Variants in KANSL1 observed in about 807,000 individuals in gnomAD.
KANSL1 encodes MLL1/MLL complex subunit KANSL1.
KANSL1 carries 22 observed loss-of-function variants against 103.6 expected under a neutral mutation model. That is an observed-to-expected ratio of 0.21 (90% CI 0.15 to 0.30). The LOEUF (loss-of-function observed/expected upper bound fraction) is 0.30, where lower values mean the gene tolerates loss of function less well. Ranked by LOEUF, KANSL1 falls within the 10% of genes least tolerant of loss-of-function variation. KANSL1 has a pLI of 1.00. For synonymous variants in KANSL1, 600 were observed against 527.6 expected (o/e 1.14, Z -1.88); for missense variants, 1,337 against 1,399.8 (o/e 0.96, Z 0.72).
chr17:46,141,661 T>C (rs905856428), intron 2 of KANSL1, among the ~76,000 whole-genome samples: 2 of 152,100 alleles, frequency 1.3e-5, no homozygotes, highest in African/African-American at 4.8e-5. Context: ...TCACAAAAAA[T>C]ACCCTAAATG....
intron 2 of KANSL1, among the ~76,000 whole-genome samples, chr17:46,144,290 T>A (rs2044582048): frequency 6.6e-6 from 1 of 152,250 alleles, no homozygotes; most frequent in Non-Finnish European, 1.5e-5. Context: ...AAAATGTTTG[T>A]TGAATGAACG....
At chr17:46,196,610 T>A (rs2047618656), upstream of KANSL1, 1 of 331,854 alleles carries the variant, frequency 3.0e-6, no homozygotes, top group Admixed American at 4.2e-5. Flanking sequence ...CCTGACAATT[T>A]GTATGACTTC....
intron 1 of KANSL1, among the ~76,000 whole-genome samples, chr17:46,218,095 A>G (rs1379474580): frequency 6.6e-6 from 1 of 152,266 alleles, no homozygotes; most frequent in African/African-American, 2.4e-5. Context: ...ACCAGAAGCT[A>G]GAAGAGAGGC....
At chr17:46,144,317 A>G (rs1341487621) in intron 2 of KANSL1, among the ~76,000 whole-genome samples, 3 of 152,226 alleles carry the variant, frequency 2.0e-5, no homozygotes, top group Non-Finnish European at 4.4e-5. Context: ...TAAAATAGAA[A>G]AAGAAATTCC....
chr17:46,056,980 G>A (rs948732496), intron 6 of KANSL1, among the ~76,000 whole-genome samples: 1 of 152,078 alleles, frequency 6.6e-6, no homozygotes, highest in African/African-American at 2.4e-5. Context: ...TCTCCTGTGA[G>A]GACAAAATCA....
intron 2 of KANSL1, among the ~76,000 whole-genome samples, chr17:46,154,235 TAC>T (rs1295579779): frequency 6.6e-6 from 1 of 152,246 alleles, no homozygotes; most frequent in Non-Finnish European, 1.5e-5. Context: ...GCTTAAATTA[TAC>T]GTTACTGGCA....
intron 2 of KANSL1, among the ~76,000 whole-genome samples, chr17:46,128,381 G>A (rs776283382): frequency 6.6e-6 from 1 of 151,992 alleles, no homozygotes; most frequent in Non-Finnish European, 1.5e-5. Context: ...TTACAGCAGT[G>A]AACAAGGCAA....
chr17:46,032,072 G>A lies in KANSL1; in HGVS notation c.3065C>T (p.Thr1022Ile), dbSNP rs751551522. 1.2e-6 allele frequency: 2 copies of A among 1,614,206 alleles called. No individual in the cohort carries two copies. The highest frequency in any genetic ancestry group is 4.5e-5 in the East Asian group (2 of 44,876). ...HLASEDTRCS[T>I]PELGLDEQSV... ...CTGTTCATCCAGCCCCAGCTCTGGT[G>A]TGGAACAACGGGTATCCTCACTGGC... Residue 1022 changes from threonine (T) to isoleucine (I), a missense_variant, in exon 14 of 15, where the codon ACA becomes ATA. Physicochemically the swap from Thr to Ile is moderately conservative, Grantham distance 89 (BLOSUM62 -1). Transcript: ENST00000432791.
intron 2 of KANSL1, among the ~76,000 whole-genome samples, chr17:46,101,154 T>G (rs2042297108): frequency 6.6e-6 from 1 of 152,134 alleles, no homozygotes; most frequent in South Asian, 2.1e-4. Context: ...ATTGCCAGAT[T>G]AACAGTTTTC....
chr17:46,211,377 T>C (rs916519524), intron 1 of KANSL1, among the ~76,000 whole-genome samples: 1 of 152,084 alleles, frequency 6.6e-6, no homozygotes, highest in African/African-American at 2.4e-5. Flanking sequence ...AAAGTAACAA[T>C]AGCTGATGAG....
At chr17:46,125,975 CTA>C (rs2043537778) in intron 2 of KANSL1, among the ~76,000 whole-genome samples, 1 of 152,316 alleles carries the variant, frequency 6.6e-6, no homozygotes, top group Admixed American at 6.5e-5. Context: ...TATTTCAACA[CTA>C]TTACATATTA....
intron 2 of KANSL1, among the ~76,000 whole-genome samples, chr17:46,125,196 T>C (rs1471373238): frequency 3.3e-5 from 5 of 152,070 alleles, no homozygotes; most frequent in Non-Finnish European, 5.9e-5. Context: ...AACATGGAGA[T>C]AGGACCTTCC....
chr17:46,050,285 GCCCAGAT>G lies in KANSL1; in HGVS notation c.2020+241_2020+247del. ...GATTACTGTGGCTAGAGGCAACTGA[GCCCAGAT>G]CCCTCCTAGCTACTTGAAGAGTTAG... On this transcript the variant is annotated intron_variant, in intron 7 of 14. Transcript: ENST00000432791. 3 of 532,990 alleles carry G rather than the reference GCCCAGAT, an allele frequency of 5.6e-6. No individual in the cohort carries two copies. In the South Asian group the frequency reaches 8.5e-5, roughly 15 times the overall value. The allele number at this position is 532,990 out of a possible 1,614,324, so 33.0% of individuals were successfully genotyped here. A position where few individuals can be genotyped will look rare whatever the true frequency, so the allele number is the denominator to read the frequency against.
At chr17:46,180,250 C>G (rs2046720754) in intron 1 of KANSL1, among the ~76,000 whole-genome samples, 1 of 152,096 alleles carries the variant, frequency 6.6e-6, no homozygotes, top group South Asian at 2.1e-4. Flanking sequence ...AATCCCCGCA[C>G]TTTGGGAGGC....
intron 6 of KANSL1, among the ~76,000 whole-genome samples, chr17:46,052,963 CCAAAAAAAAAAAAAAAAAAAA>C (rs1199926897): frequency 3.0e-4 from 13 of 43,144 alleles, no homozygotes; most frequent in African/African-American, 5.1e-4. Context: ...GATCCTGTCT[CCAAAAAAAAAAAAAAAAAAAA>C]AAAAAAAAAA....
intron 1 of KANSL1, among the ~76,000 whole-genome samples, chr17:46,186,376 T>A (rs1433633479): frequency 6.8e-6 from 1 of 148,070 alleles, no homozygotes; most frequent in Non-Finnish European, 1.5e-5. Flanking sequence ...AGAGCGAGAC[T>A]GTGTCTCAAA....
Position 46,033,450 on chromosome 17 carries a change from C to A in KANSL1, c.2677G>T (p.Val893Phe). Reference protein sequence around the residue: ...KEILTPSWREVDLQSLKGSPD... With the variant: ...KEILTPSWREFDLQSLKGSPD... ...CTCCCCTTCAGAGACTGAAGATCAA[C>A]CTCCCGCCAGCTGCAAAACCAAGAA... Residue 893 changes from valine (V) to phenylalanine (F), a missense_variant, in exon 12 of 15, where the codon GTT (valine) becomes TTT (phenylalanine). This residue lies in a region of KANSL1 where 780 missense variants were observed against 923.4 expected (regional missense o/e 0.84). Coordinates refer to ENST00000432791, the MANE Select transcript of KANSL1 (RefSeq NM_015443.4). The A allele has an allele frequency of 6.2e-7, 1 of 1,614,166 alleles. No individual in the cohort carries two copies. The highest frequency in any genetic ancestry group is 8.5e-7 in the Non-Finnish European group (1 of 1,180,018).
At chr17:46,083,193 C>T (rs1231680315) in intron 3 of KANSL1, among the ~76,000 whole-genome samples, 1 of 152,010 alleles carries the variant, frequency 6.6e-6, no homozygotes, top group African/African-American at 2.4e-5. Context: ...CAAGTCCTCC[C>T]CATTGTACAT....
Position 46,122,464 on chromosome 17 carries a change from C to A in KANSL1, c.1290-27763G>T, listed in dbSNP as rs554521372. 3.3e-5 allele frequency among the ~76,000 whole-genome samples: 5 copies of A among 152,302 alleles called. No homozygotes were observed. In the South Asian group the frequency reaches 1.0e-3, roughly 32 times the overall value. ...ACTGGAAATATGAAACACTTTTAATCATATTCCTAACAAAAGTACCACGAG... is the reference window on the plus strand; with the variant it reads ...ACTGGAAATATGAAACACTTTTAATAATATTCCTAACAAAAGTACCACGAG... On this transcript the variant is annotated intron_variant, in intron 2 of 14. Transcript: ENST00000432791.
Sources: gnomAD v4.1 joint callset for allele counts (sites outside exome capture counted in the v4.1 genomes callset) on GRCh38, gnomAD v4.1.1 for gene constraint, gnomAD v4.1.1 regional missense constraint, MANE v1.5 for transcripts, NCBI Gene and HGNC (gene_info 2026-07-23, HGNC 2026-07-21) for gene names.